TMEM18: variants seen among roughly 807,000 people sequenced by gnomAD.
TMEM18 encodes the protein transmembrane protein 18.
In TMEM18, 14 loss-of-function variants were observed where a neutral mutation model predicts 17.4. That is an observed-to-expected ratio of 0.80 (90% CI 0.53 to 1.25). The LOEUF (loss-of-function observed/expected upper bound fraction) is 1.25, where lower values mean the gene tolerates loss of function less well. Among genes scored for constraint, TMEM18 ranks in the 50% most tolerant of loss-of-function variants. The pLI, the probability that TMEM18 is intolerant of heterozygous loss-of-function variation, is 0.00. For missense variants in TMEM18, 187 were observed against 172.1 expected (o/e 1.09, Z -0.48); for synonymous variants, 86 against 66.1 (o/e 1.30, Z -1.46).
In TMEM18 at chr2:667,014, CT is replaced by C. The variant is rs34894161; in HGVS notation, c.*2565del. Among the ~76,000 whole-genome samples, 167 of 140,786 alleles carry C rather than the reference CT, an allele frequency of 1.2e-3. No individual in the cohort carries two copies. Among genetic ancestry groups the C allele is most frequent in the African/African-American group, 2.3e-3 (87 of 38,150 alleles). The allele number at this position is 140,786 out of a possible 152,430, so 92.4% of individuals were successfully genotyped here. A position where few individuals can be genotyped will look rare whatever the true frequency, so the allele number is the denominator to read the frequency against. ...CTTACCCTGAATTCCACCCCCAGCC[CT>C]TTTTTTTTTTTTTTAACATTTATTA... On this transcript the variant is annotated 3_prime_UTR_variant, in exon 5 of 5. Coordinates refer to ENST00000281017, the MANE Select transcript of TMEM18 (RefSeq NM_152834.4).
chr2:672,885 T>C, intron 2 of TMEM18, 23 bp from the exon 3 acceptor site: 1 of 1,507,956 alleles, frequency 6.6e-7, no homozygotes, highest in Admixed American at 2.8e-5. Context: ...ACAAGTCATA[T>C]TAGAATTTAG....
intron 1 of TMEM18, chr2:676,645 C>G (rs923089200): frequency 6.5e-6 from 10 of 1,549,516 alleles, no homozygotes; most frequent in African/African-American, 2.7e-5. Context: ...CCCATGTCAC[C>G]CCTTGGCGGC....
chr2:667,955 T>C lies in TMEM18; in HGVS notation c.*1625A>G, dbSNP rs996933822. ...GTCTGTTCTCACACTGCTATAAAGA[T>C]ACTACCTGAGACCTGGATTACTTTA... On this transcript the variant is annotated 3_prime_UTR_variant, in exon 5 of 5. Coordinates refer to ENST00000281017, the MANE Select transcript of TMEM18 (RefSeq NM_152834.4). 5.9e-5 allele frequency: 9 copies of C among 152,232 alleles called. No homozygotes were observed. The highest frequency in any genetic ancestry group is 2.2e-4 in the African/African-American group (9 of 41,466). The allele number at this position is 152,232 out of a possible 1,614,324, so 9.4% of individuals were successfully genotyped here.
intron 3 of TMEM18, among the ~76,000 whole-genome samples, chr2:672,257 T>C (rs1678868279): frequency 6.6e-6 from 1 of 152,156 alleles, no homozygotes; most frequent in African/African-American, 2.4e-5. Flanking sequence ...ACAGAGGCTG[T>C]GTGGTTCAAC....
At position 673,095 on chromosome 2, in the gene TMEM18, G is replaced by A. The variant is rs115369345; in HGVS notation, c.179-233C>T. Among the ~76,000 whole-genome samples the A allele has an allele frequency of 9.2e-3, 1,399 of 152,304 alleles. 18 individuals are homozygous for A. Among genetic ancestry groups the A allele is most frequent in the African/African-American group, 0.032 (1,328 of 41,564 alleles). ...TGCTCTATGGTCTCACTCAGAGCCC[G>A]TGCTCAGGTCAGCACCTGCAGAGCT... On this transcript the variant is annotated intron_variant, in intron 2 of 4. Coordinates refer to ENST00000281017, the MANE Select transcript of TMEM18 (RefSeq NM_152834.4).
At chr2:669,939 A>G in intron 3 of TMEM18, 89 bp from the exon 4 acceptor site, 2 of 1,064,494 alleles carry the variant, frequency 1.9e-6, no homozygotes, top group African/African-American at 1.6e-5. Context: ...CTTTGGAGAG[A>G]GCTGATGTGG....
Position 665,192 on chromosome 2 carries a change from C to A in TMEM18, c.*4388G>T, listed in dbSNP as rs1347393320. ...TCAGATGGAGCATCACTCCCACATA[C>A]AACAGAACCCAGAGATGCAGATGCC... On this transcript the variant is annotated 3_prime_UTR_variant, in exon 5 of 5. Coordinates refer to ENST00000281017, the MANE Select transcript of TMEM18 (RefSeq NM_152834.4). Among the ~76,000 whole-genome samples the A allele has an allele frequency of 1.3e-5, 2 of 152,110 alleles. No homozygotes were observed. The highest frequency in any genetic ancestry group is 4.8e-5 in the African/African-American group (2 of 41,394).
rs984555256 is a variant in TMEM18 at position 665,277 on chromosome 2, CCACT to C, written c.*4299_*4302del. ...AACAGGATCCAGAGATGCAGACACC[CCACT>C]CACTCAGATAGAGAATCAACCCCAC... On this transcript the variant is annotated 3_prime_UTR_variant, in exon 5 of 5. Coordinates refer to ENST00000281017, the MANE Select transcript of TMEM18 (RefSeq NM_152834.4). Among the ~76,000 whole-genome samples the C allele has an allele frequency of 6.6e-6, 1 of 151,748 alleles. No individual in the cohort carries two copies. Among genetic ancestry groups the C allele is most frequent in the Non-Finnish European group, 1.5e-5 (1 of 67,960 alleles).
intron 3 of TMEM18, 39 bp from the exon 4 acceptor site, chr2:669,889 C>A (rs747735989): frequency 6.5e-7 from 1 of 1,529,334 alleles, no homozygotes; most frequent in East Asian, 2.4e-5. Flanking sequence ...CTAGGCAATA[C>A]AACCAAAAAG....
Position 665,695 on chromosome 2 carries a change from G to GATGCAGATGCCCCACTCACTCAGAT in TMEM18, c.*3884_*3885insATCTGAGTGAGTGGGGCATCTGCAT, listed in dbSNP as rs1678669938. 1.4e-5 allele frequency among the ~76,000 whole-genome samples: 1 copy of GATGCAGATGCCCCACTCACTCAGAT among 69,492 alleles called. No homozygotes were observed. Among genetic ancestry groups the GATGCAGATGCCCCACTCACTCAGAT allele is most frequent in the Non-Finnish European group, 3.1e-5 (1 of 32,000 alleles). 45.6% of individuals were successfully genotyped at this position (69,492 alleles called of 152,430 possible). The stretch of plus-strand genomic sequence containing the variant: ...CAGATGCCCCACTCACTCAGATAGA[G>GATGCAGATGCCCCACTCACTCAGAT]AATCAACCCTACATACAACAGGACC... On this transcript the variant is annotated 3_prime_UTR_variant, in exon 5 of 5. Transcript: ENST00000281017.
intron 2 of TMEM18, among the ~76,000 whole-genome samples, chr2:673,779 A>T (rs1333308851): frequency 7.1e-6 from 1 of 140,896 alleles, no homozygotes; most frequent in Non-Finnish European, 1.5e-5. Flanking sequence ...AAGGAGAGGA[A>T]GGAGGGGAAG....
chr2:675,777 G>A (rs949763612), intron 1 of TMEM18, 147 bp from the exon 2 acceptor site: 13 of 1,533,722 alleles, frequency 8.5e-6, no homozygotes, highest in South Asian at 1.2e-5. Context: ...AGAGAGCATT[G>A]CCAGGCCTCA....
At position 664,007 on chromosome 2, in the gene TMEM18, T is replaced by C. The variant is rs895333609; in HGVS notation, c.*5573A>G. 6.6e-6 allele frequency among the ~76,000 whole-genome samples: 1 copy of C among 152,216 alleles called. No individual in the cohort carries two copies. ...TCACAATTCCTAAGGTCCCCCTTTT[T>C]TTACCTGGATGCTTGAGCAAAAGGA... is the stretch of plus-strand genomic sequence containing the variant. On this transcript the variant is annotated 3_prime_UTR_variant, in exon 5 of 5. Coordinates refer to ENST00000281017, the MANE Select transcript of TMEM18 (RefSeq NM_152834.4).
In TMEM18 at chr2:666,356, A is replaced by G. The variant is rs1678688956; in HGVS notation, c.*3224T>C. 6.6e-6 allele frequency among the ~76,000 whole-genome samples: 1 copy of G among 152,124 alleles called. No individual in the cohort carries two copies. Among genetic ancestry groups the G allele is most frequent in the African/African-American group, 2.4e-5 (1 of 41,418 alleles). ...TGTGCCAGTCAGCGCCTCCCCTGGC[A>G]TAGGTCTTGTGCAATTTCTAATGAC... On this transcript the variant is annotated 3_prime_UTR_variant, in exon 5 of 5. Coordinates refer to ENST00000281017, the MANE Select transcript of TMEM18 (RefSeq NM_152834.4).
At position 672,754 on chromosome 2, in the gene TMEM18, A is replaced by G. The variant is rs964800618; in HGVS notation, c.233+54T>C. The G allele has an allele frequency of 4.3e-6, 6 of 1,398,378 alleles. No homozygotes were observed. The African/African-American group carries it at 4.5e-5, about 10-fold the overall frequency. The allele number at this position is 1,398,378 out of a possible 1,614,324, so 86.6% of individuals were successfully genotyped here. ...CGCGAGTCCCACCGGCTGTGGGGCC[A>G]TTCCCAGGGACACCCCTGCAGGGAC... On this transcript the variant is annotated intron_variant, in intron 3 of 4. Coordinates refer to ENST00000281017, the MANE Select transcript of TMEM18 (RefSeq NM_152834.4).
intron 1 of TMEM18, chr2:675,944 T>G (rs1678993070): frequency 7.3e-7 from 1 of 1,375,446 alleles, no homozygotes; most frequent in African/African-American, 1.4e-5. Context: ...GAATCATGTT[T>G]TTAAGGTGGG....
At chr2:676,273 G>A (rs992312493) in intron 1 of TMEM18, 5 of 1,459,880 alleles carry the variant, frequency 3.4e-6, no homozygotes, top group Non-Finnish European at 4.6e-6. Flanking sequence ...ACCTGAAGTA[G>A]CCAGGCTCAG....
At chr2:673,199 C>G (rs1052201208) in intron 2 of TMEM18, among the ~76,000 whole-genome samples, 1 of 152,260 alleles carries the variant, frequency 6.6e-6, no homozygotes, top group Non-Finnish European at 1.5e-5. Context: ...ACAGCAGCCA[C>G]AGTTCAGCCC....
At chr2:674,568 AG>A (rs1678945122) in intron 2 of TMEM18, among the ~76,000 whole-genome samples, 1 of 152,192 alleles carries the variant, frequency 6.6e-6, no homozygotes, top group Admixed American at 6.5e-5. Flanking sequence ...GGTCCACTCC[AG>A]CACTCCTCAG....
Sources: gnomAD v4.1 joint callset for allele counts (sites outside exome capture counted in the v4.1 genomes callset) on GRCh38, gnomAD v4.1.1 for gene constraint, MANE v1.5 for transcripts, NCBI Gene and HGNC (gene_info 2026-07-23, HGNC 2026-07-21) for gene names.